COL4A2: variants seen among roughly 807,000 people sequenced by gnomAD.
COL4A2 encodes collagen alpha-2(IV) chain.
A neutral mutation model predicts 200.2 loss-of-function variants in COL4A2; 99 were observed. That is an observed-to-expected ratio of 0.49 (90% CI 0.42 to 0.58). The LOEUF (loss-of-function observed/expected upper bound fraction) is 0.58, where lower values mean the gene tolerates loss of function less well. Among genes scored for constraint, COL4A2 ranks in the 20% least tolerant of loss-of-function variants. The pLI is 0.00. For synonymous variants in COL4A2, 897 were observed against 900.6 expected (o/e 1.00, Z 0.07); for missense variants, 1,950 against 2,314.1 (o/e 0.84, Z 3.23).
In COL4A2 at chr13:110,478,117, C is replaced by T. The variant is rs1238625390; in HGVS notation, c.2540C>T (p.Pro847Leu). Residue 847 changes from proline to leucine, a missense_variant, in exon 30 of 48, where the codon CCT becomes CTT. Physicochemically the swap from Pro to Leu is moderately conservative, Grantham distance 98 (BLOSUM62 -3). Transcript: ENST00000360467. The stretch of plus-strand genomic sequence containing the variant: ...GGACTGCATGGATTCCCAGGAGCTC[C>T]TGGCCAAGAGGGGCCCTTGGGGCTG... ...PPGLHGFPGA[P>L]GQEGPLGLPG... is the part of the protein sequence containing the mutation. 1 of 1,600,374 alleles carries T rather than the reference C, an allele frequency of 6.2e-7. No homozygotes were observed. Among genetic ancestry groups the T allele is most frequent in the East Asian group, 2.3e-5 (1 of 44,226 alleles).
intron 14 of COL4A2, 117 bp from the exon 15 acceptor site, chr13:110,438,501 C>T: frequency 7.3e-7 from 1 of 1,368,404 alleles, no homozygotes; most frequent in Non-Finnish European, 1.0e-6. Context: ...GCCAGGCGGT[C>T]TGGACACCAT....
At chr13:110,503,326 G>A (rs1265550740) in intron 42 of COL4A2, 44 bp downstream of exon 42, 6 of 1,590,056 alleles carry the variant, frequency 3.8e-6, no homozygotes, top group Non-Finnish European at 5.1e-6. Flanking sequence ...TGGCCACAGT[G>A]AGAGGAGCCC....
chr13:110,430,199 A>C (rs1243757364), intron 8 of COL4A2: 1 of 676,506 alleles, frequency 1.5e-6, no homozygotes, highest in Admixed American at 3.8e-5. Context: ...CTTGTAGTTA[A>C]TATTAGTAAA....
In COL4A2 at chr13:110,493,290, G is replaced by C. The variant is rs767310375; in HGVS notation, c.3634+8G>C. 5.6e-6 allele frequency: 9 copies of C among 1,614,072 alleles called. No individual in the cohort carries two copies. In the South Asian group the frequency reaches 9.9e-5, roughly 18 times the overall value. ...GCTTTCCAGGATCCCCAGGTACTCT[G>C]TGCCGTCCCAGCCCCGAGTCCCACG... is the stretch of plus-strand genomic sequence containing the variant. On this transcript the variant is annotated splice_region_variant and intron_variant, in intron 39 of 47. Coordinates refer to ENST00000360467, the MANE Select transcript of COL4A2 (RefSeq NM_001846.4).
chr13:110,361,628 A>G (rs1877517943), intron 4 of COL4A2, among the ~76,000 whole-genome samples: 1 of 152,234 alleles, frequency 6.6e-6, no homozygotes, highest in African/African-American at 2.4e-5. Context: ...TCCAGTTCCA[A>G]ATGGATTCTC....
chr13:110,464,120 G>A (rs934953745), intron 24 of COL4A2, among the ~76,000 whole-genome samples: 1 of 152,162 alleles, frequency 6.6e-6, no homozygotes, highest in African/African-American at 2.4e-5. Context: ...ATTTGTTACG[G>A]TAGTGGTGGC....
chr13:110,480,991 C>T (rs1484202218), intron 31 of COL4A2, among the ~76,000 whole-genome samples: 4 of 128,646 alleles, frequency 3.1e-5, no homozygotes, highest in African/African-American at 9.3e-5. Context: ...TCTGTCCTTC[C>T]ATTGCTGGAG....
chr13:110,345,187 G>T (rs893084508), intron 3 of COL4A2, among the ~76,000 whole-genome samples: 5 of 152,214 alleles, frequency 3.3e-5, no homozygotes, highest in East Asian at 3.9e-4. Flanking sequence ...CAAGGAAGGT[G>T]AGGGTATGGA....
At chr13:110,366,718 T>C (rs377666348) in intron 4 of COL4A2, among the ~76,000 whole-genome samples, 1 of 152,186 alleles carries the variant, frequency 6.6e-6, no homozygotes, top group African/African-American at 2.4e-5. Context: ...CAGAAGGACA[T>C]GGTTAGTGTC....
chr13:110,386,650 A>G (rs1341761224), intron 4 of COL4A2, among the ~76,000 whole-genome samples: 1 of 152,236 alleles, frequency 6.6e-6, no homozygotes, highest in Admixed American at 6.5e-5. Context: ...ATATATTAAT[A>G]TGCAATTATA....
chr13:110,310,366 C>G (rs533554517), intron 3 of COL4A2, among the ~76,000 whole-genome samples: 4 of 152,220 alleles, frequency 2.6e-5, no homozygotes, highest in Non-Finnish European at 5.9e-5. Flanking sequence ...CCACATGATA[C>G]CAGAATCTGG....
intron 29 of COL4A2, among the ~76,000 whole-genome samples, chr13:110,474,898 GCA>G (rs1368676776): frequency 4.2e-5 from 3 of 71,738 alleles, no homozygotes; most frequent in Non-Finnish European, 5.9e-5. Flanking sequence ...ACGTGCCTAT[GCA>G]CACTCACGAT....
chr13:110,360,147 G>T (rs1038007133), intron 4 of COL4A2, among the ~76,000 whole-genome samples: 4 of 152,198 alleles, frequency 2.6e-5, no homozygotes, highest in Non-Finnish European at 4.4e-5. Flanking sequence ...CCCTTGACTG[G>T]CTCAGCCTTA....
chr13:110,484,873 C>T (rs1883058259), intron 32 of COL4A2, 32 bp from the exon 33 acceptor site: 1 of 1,574,178 alleles, frequency 6.4e-7, no homozygotes, highest in East Asian at 2.3e-5. Context: ...TCTGGAGCCC[C>T]CAGAAAATGA....
intron 3 of COL4A2, among the ~76,000 whole-genome samples, chr13:110,354,531 T>C (rs1312375960): frequency 6.6e-6 from 1 of 152,144 alleles, no homozygotes; most frequent in Non-Finnish European, 1.5e-5. Flanking sequence ...GCTGCCTCAT[T>C]ACCTCACTCA....
intron 3 of COL4A2, among the ~76,000 whole-genome samples, chr13:110,328,046 C>T (rs145370982): frequency 2.6e-3 from 390 of 152,292 alleles, no homozygotes; most frequent in African/African-American, 8.8e-3. Context: ...TCAACCTAGA[C>T]TAATCACTCT....
At chr13:110,404,864 G>T (rs941736020) in intron 4 of COL4A2, among the ~76,000 whole-genome samples, 4 of 152,204 alleles carry the variant, frequency 2.6e-5, no homozygotes, top group African/African-American at 9.6e-5. Flanking sequence ...GGGCACGGTG[G>T]CTCATGCCTG....
intron 45 of COL4A2, among the ~76,000 whole-genome samples, chr13:110,505,927 C>T (rs1883846602): frequency 6.6e-6 from 1 of 152,130 alleles, no homozygotes; most frequent in Non-Finnish European, 1.5e-5. Context: ...TGGAAAGGAC[C>T]CCTCCTCTGT....
intron 34 of COL4A2, 81 bp from the exon 35 acceptor site, chr13:110,489,364 A>T: frequency 1.5e-6 from 2 of 1,311,726 alleles, no homozygotes; most frequent in Admixed American, 3.4e-5. Flanking sequence ...AGCATACTGG[A>T]TAGTTAAATA....
Sources: gnomAD v4.1 joint callset for allele counts (sites outside exome capture counted in the v4.1 genomes callset) on GRCh38, gnomAD v4.1.1 for gene constraint, MANE v1.5 for transcripts, NCBI Gene and HGNC (gene_info 2026-07-23, HGNC 2026-07-21) for gene names.